PCDH15: variants seen among roughly 807,000 people sequenced by gnomAD.
PCDH15 encodes protocadherin related 15.
A neutral mutation model predicts 178.5 loss-of-function variants in PCDH15; 129 were observed. The observed-to-expected ratio is 0.72, with a 90% CI of 0.63 to 0.84. PCDH15 has a LOEUF of 0.84. PCDH15 is among the 40% of genes least tolerant of loss of function. The pLI is 0.00. For missense variants in PCDH15, 2,230 were observed against 2,099.9 expected (o/e 1.06, Z -1.21); for synonymous variants, 800 against 732.0 (o/e 1.09, Z -1.50).
chr10:54,853,316 TATACATACACACACATATAC>T (rs1953670619), intron 3 of PCDH15, among the ~76,000 whole-genome samples: 1 of 115,146 alleles, frequency 8.7e-6, no homozygotes, highest in African/African-American at 3.6e-5. Context: ...TATATATATA[TATACATACACACACATATAC>T]ATATATATAC....
At chr10:54,655,256 A>AAGAAAGAGAGAGAGAG (rs1189030773) in intron 2 of PCDH15, among the ~76,000 whole-genome samples, 1 of 48,908 alleles carries the variant, frequency 2.0e-5, no homozygotes, top group Admixed American at 2.7e-4. Flanking sequence ...GAAAGAAAGA[A>AAGAAAGAGAGAGAGAG]AGAGAGAGAG....
chr10:55,086,934 G>C (rs1842185532), intron 2 of PCDH15, among the ~76,000 whole-genome samples: 1 of 152,006 alleles, frequency 6.6e-6, no homozygotes, highest in South Asian at 2.1e-4. Context: ...TTAGGATAAA[G>C]AGACGTTGTG....
At chr10:53,951,978 C>T (rs2087105840) in intron 23 of PCDH15, among the ~76,000 whole-genome samples, 1 of 152,208 alleles carries the variant, frequency 6.6e-6, no homozygotes, top group African/African-American at 2.4e-5. Context: ...ATCTGGTGCA[C>T]TGCAAGCAGA....
intron 2 of PCDH15, among the ~76,000 whole-genome samples, chr10:55,348,876 A>G (rs991083769): frequency 1.1e-4 from 16 of 152,144 alleles, no homozygotes; most frequent in Non-Finnish European, 1.8e-4. Context: ...ATACAATGAA[A>G]TAAGAGAGAA....
At chr10:54,021,072 T>C (rs916079576) in intron 19 of PCDH15, among the ~76,000 whole-genome samples, 2 of 151,854 alleles carry the variant, frequency 1.3e-5, no homozygotes, top group East Asian at 1.9e-4. Context: ...CAGGTTATGG[T>C]CTCAGAGAAG....
At chr10:54,773,895 A>G (rs987223322) in intron 1 of PCDH15, among the ~76,000 whole-genome samples, 11 of 152,144 alleles carry the variant, frequency 7.2e-5, no homozygotes, top group Middle Eastern at 3.4e-3. Context: ...TTATGAAGTC[A>G]GCTTCAAAAC....
intron 3 of PCDH15, among the ~76,000 whole-genome samples, chr10:54,873,695 T>TTA (rs4019624): frequency 0.32 from 44,734 of 138,472 alleles, 7,730 homozygotes; most frequent in East Asian, 0.6. Flanking sequence ...CTGCTGTATT[T>TTA]TATATATATA....
intron 2 of PCDH15, among the ~76,000 whole-genome samples, chr10:55,381,864 A>G (rs1837541017): frequency 6.6e-6 from 1 of 152,116 alleles, no homozygotes; most frequent in Non-Finnish European, 1.5e-5. Flanking sequence ...CATCCCATCC[A>G]ATCCCAATAC....
At chr10:55,176,282 G>C (rs1272479822) in intron 1 of PCDH15, among the ~76,000 whole-genome samples, 1 of 152,060 alleles carries the variant, frequency 6.6e-6, no homozygotes, top group Non-Finnish European at 1.5e-5. Flanking sequence ...GTTTACTCCT[G>C]CCTTTTAAAT....
At chr10:54,611,296 AC>A (rs1411407661) in intron 2 of PCDH15, among the ~76,000 whole-genome samples, 1 of 151,760 alleles carries the variant, frequency 6.6e-6, no homozygotes, top group Admixed American at 6.6e-5. Flanking sequence ...TTTAAAAAAA[AC>A]CTCCCTGATA....
intron 2 of PCDH15, among the ~76,000 whole-genome samples, chr10:55,111,956 A>G (rs1206540930): frequency 6.6e-6 from 1 of 152,234 alleles, no homozygotes; most frequent in Non-Finnish European, 1.5e-5. Context: ...AAGGTATGCA[A>G]ATAATAATAC....
At chr10:55,397,207 T>G (rs1446306359) in intron 2 of PCDH15, among the ~76,000 whole-genome samples, 1 of 152,194 alleles carries the variant, frequency 6.6e-6, no homozygotes, top group East Asian at 1.9e-4. Context: ...TTCATTATAC[T>G]CAAAGCTTGA....
intron 2 of PCDH15, among the ~76,000 whole-genome samples, chr10:54,961,444 G>C (rs540165343): frequency 1.3e-5 from 2 of 152,338 alleles, no homozygotes; most frequent in East Asian, 3.9e-4. Context: ...CAGGTTTTCA[G>C]TGAAGCCCCA....
intron 8 of PCDH15, among the ~76,000 whole-genome samples, chr10:54,276,190 C>A (rs1032165763): frequency 2.6e-5 from 4 of 151,138 alleles, no homozygotes; most frequent in Admixed American, 2.0e-4. Context: ...AAAATAGCAC[C>A]AAAAACAAGG....
At chr10:55,098,470 T>C (rs148806154) in intron 2 of PCDH15, among the ~76,000 whole-genome samples, 2 of 152,104 alleles carry the variant, frequency 1.3e-5, no homozygotes, top group African/African-American at 4.8e-5. Flanking sequence ...GCTGCACACA[T>C]AGACAAGCAA....
Position 54,079,406 on chromosome 10 carries a change from T to C in PCDH15, c.2016A>G (p.Leu672=), listed in dbSNP as rs1278358070. The C allele has an allele frequency of 1.2e-6, 2 of 1,614,068 alleles. No homozygotes were observed. Among genetic ancestry groups the C allele is most frequent in the Non-Finnish European group, 8.5e-7 (1 of 1,179,958 alleles). ...TGCTTTCCCTGTCCAGTGCTTTCCC[T>C]AAGGTTAGAATCCCCGTGCTAGTGA... The part of the protein sequence containing the change: ...NLSETTGILT[L]GKALDRESTD... The change falls in exon 17 of 38, where the codon TTA becomes TTG. Residue 672 remains leucine, a synonymous_variant. Transcript: ENST00000644397.
intron 2 of PCDH15, among the ~76,000 whole-genome samples, chr10:55,099,514 C>A (rs1287001520): frequency 6.6e-6 from 1 of 151,960 alleles, no homozygotes; most frequent in African/African-American, 2.4e-5. Context: ...TAGTAATCAT[C>A]TGATAAAATA....
chr10:54,758,416 C>G (rs1947442274), intron 1 of PCDH15, among the ~76,000 whole-genome samples: 1 of 152,118 alleles, frequency 6.6e-6, no homozygotes, highest in African/African-American at 2.4e-5. Flanking sequence ...GTTGCTGACG[C>G]TTTTTGGATA....
intron 3 of PCDH15, among the ~76,000 whole-genome samples, chr10:54,496,375 T>C (rs2080113242): frequency 6.6e-6 from 1 of 152,100 alleles, no homozygotes. Context: ...TTCCTCATAA[T>C]GTCTGAAATT....
Sources: allele counts gnomAD v4.1 joint callset (sites outside exome capture counted in the v4.1 genomes callset), GRCh38; gene constraint gnomAD v4.1.1; transcripts MANE v1.5; gene names NCBI Gene and HGNC (gene_info 2026-07-23, HGNC 2026-07-21).